C8orf34: variants seen among roughly 807,000 people sequenced by gnomAD.
C8orf34 encodes chromosome 8 open reading frame 34.
Under a neutral mutation model 68.3 loss-of-function variants are expected in C8orf34, and 65 were observed. The ratio of observed to expected loss-of-function variants is 0.95; its 90% CI spans 0.78 to 1.17. C8orf34 has a LOEUF of 1.17. Ranked by LOEUF, C8orf34 falls within the 50% of genes most tolerant of loss-of-function variation. The pLI, the probability that C8orf34 is intolerant of heterozygous loss-of-function variation, is 0.00. For missense variants in C8orf34, 664 were observed against 655.4 expected (o/e 1.01, Z -0.14); for synonymous variants, 244 against 241.2 (o/e 1.01, Z -0.11).
At chr8:68,342,066 G>C (rs1344165057) in intron 1 of C8orf34, among the ~76,000 whole-genome samples, 1 of 152,136 alleles carries the variant, frequency 6.6e-6, no homozygotes, top group Non-Finnish European at 1.5e-5. Context: ...TAATGGAGTA[G>C]ATTTTAGATT....
At chr8:68,578,417 C>G (rs544022068) in intron 7 of C8orf34, among the ~76,000 whole-genome samples, 28 of 152,038 alleles carry the variant, frequency 1.8e-4, no homozygotes, top group Non-Finnish European at 5.9e-5. Flanking sequence ...GCCTAAACTA[C>G]TACAAATGTG....
intron 10 of C8orf34, among the ~76,000 whole-genome samples, chr8:68,775,662 C>T (rs931662546): frequency 1.3e-5 from 2 of 152,252 alleles, no homozygotes; most frequent in East Asian, 1.9e-4. Context: ...TGTTTTAGAT[C>T]GTCACACAAA....
chr8:68,339,944 AAAC>A (rs1806002883), intron 1 of C8orf34, among the ~76,000 whole-genome samples: 1 of 152,110 alleles, frequency 6.6e-6, no homozygotes, highest in Admixed American at 6.6e-5. Context: ...AGAAGAGAAA[AAAC>A]AATTCAATAA....
intron 7 of C8orf34, among the ~76,000 whole-genome samples, chr8:68,600,179 A>G (rs886876931): frequency 2.0e-5 from 3 of 152,110 alleles, no homozygotes; most frequent in African/African-American, 7.2e-5. Context: ...CAATATACAT[A>G]TGTAATTTAT....
At chr8:68,680,209 G>A (rs1039656327) in intron 8 of C8orf34, among the ~76,000 whole-genome samples, 1 of 152,090 alleles carries the variant, frequency 6.6e-6, no homozygotes, top group Admixed American at 6.6e-5. Flanking sequence ...TATATAAGGA[G>A]CTCATATGAC....
Position 68,462,159 on chromosome 8 carries a change from G to C in C8orf34, c.608-6533G>C, listed in dbSNP as rs541475666. 3.5e-3 allele frequency among the ~76,000 whole-genome samples: 536 copies of C among 152,076 alleles called. 4 individuals are homozygous for C. The highest frequency in any genetic ancestry group is 0.012 in the African/African-American group (513 of 41,472). ...TGCAATCCTGGTCTCTGATAAAACAGACTTTAAACCAACAAAGATCAAAAG... is the reference window on the plus strand; with the variant it reads ...TGCAATCCTGGTCTCTGATAAAACACACTTTAAACCAACAAAGATCAAAAG... On this transcript the variant is annotated intron_variant, in intron 3 of 13. Transcript: ENST00000518698.
At chr8:68,335,874 G>GGCAGC (rs1805825988) in intron 1 of C8orf34, among the ~76,000 whole-genome samples, 2 of 152,126 alleles carry the variant, frequency 1.3e-5, no homozygotes, top group Non-Finnish European at 2.9e-5. Flanking sequence ...GAGGTCAGGA[G>GGCAGC]TTTGAGACCA....
At chr8:68,378,895 TAA>T (rs147893348) in intron 1 of C8orf34, among the ~76,000 whole-genome samples, 63 of 152,266 alleles carry the variant, frequency 4.1e-4, no homozygotes, top group African/African-American at 1.4e-3. Context: ...AATCAATATA[TAA>T]AGTCTGACAT....
chr8:68,744,617 T>C (rs868063574), intron 10 of C8orf34, among the ~76,000 whole-genome samples: 4,515 of 151,974 alleles, frequency 0.03, 205 homozygotes, highest in African/African-American at 0.1. Context: ...TGCGATCAAC[T>C]GGAAGAAAGA....
At chr8:68,729,896 A>G (rs970107323) in intron 10 of C8orf34, among the ~76,000 whole-genome samples, 3 of 152,134 alleles carry the variant, frequency 2.0e-5, no homozygotes, top group Non-Finnish European at 4.4e-5. Flanking sequence ...TTTCCAATAA[A>G]ACATGTTCCA....
chr8:68,478,243 T>C (rs1812708491), intron 4 of C8orf34, among the ~76,000 whole-genome samples: 1 of 151,896 alleles, frequency 6.6e-6, no homozygotes, highest in South Asian at 2.1e-4. Flanking sequence ...GATCCACAGA[T>C]CTGCCCTAGA....
At chr8:68,480,560 A>C (rs1812816565) in intron 4 of C8orf34, among the ~76,000 whole-genome samples, 1 of 152,202 alleles carries the variant, frequency 6.6e-6, no homozygotes, top group Non-Finnish European at 1.5e-5. Flanking sequence ...GAAAGTTTGA[A>C]ACTTCCTAGA....
intron 1 of C8orf34, among the ~76,000 whole-genome samples, chr8:68,394,222 A>G (rs568652887): frequency 1.6e-4 from 23 of 146,232 alleles, no homozygotes; most frequent in African/African-American, 3.7e-4. Context: ...ATATCTCCCA[A>G]TGCTATCCCT....
At chr8:68,747,120 C>G (rs986576808) in intron 10 of C8orf34, among the ~76,000 whole-genome samples, 3 of 151,882 alleles carry the variant, frequency 2.0e-5, no homozygotes, top group Non-Finnish European at 4.4e-5. Flanking sequence ...GTAAACAGAA[C>G]CAAAGACAAA....
chr8:68,418,691 T>A (rs1167141368), intron 1 of C8orf34, among the ~76,000 whole-genome samples: 10 of 152,136 alleles, frequency 6.6e-5, no homozygotes, highest in Non-Finnish European at 1.3e-4. Flanking sequence ...TCTACAACTA[T>A]CTGATCTTTG....
At chr8:68,817,747 A>G (rs1824861651) in intron 13 of C8orf34, among the ~76,000 whole-genome samples, 1 of 152,188 alleles carries the variant, frequency 6.6e-6, no homozygotes, top group Non-Finnish European at 1.5e-5. Flanking sequence ...AGTGCCTCAC[A>G]GTTCAGCATG....
chr8:68,565,096 CCTT>C (rs1374594937), intron 7 of C8orf34, among the ~76,000 whole-genome samples: 3 of 152,064 alleles, frequency 2.0e-5, no homozygotes, highest in African/African-American at 7.2e-5. Flanking sequence ...TTTTTTTCCT[CCTT>C]AAGTTCTTTT....
At chr8:68,683,145 C>CGG (rs1563607052) in intron 8 of C8orf34, among the ~76,000 whole-genome samples, 2 of 151,734 alleles carry the variant, frequency 1.3e-5, no homozygotes, top group Non-Finnish European at 2.9e-5. Flanking sequence ...AAATCTGGAC[C>CGG]CCCCAGACTC....
Position 68,818,239 on chromosome 8 carries a change from G to A in C8orf34, c.1610G>A (p.Gly537Asp). ...CSSCPTLVYSGL is the reference protein window; with the variant it reads ...CSSCPTLVYSDL ...CTTCTGTTTCATTTCTCCTCTGCAG[G>A]TTTGTGAAACAGAGAGAAGAAGTTG... is the stretch of plus-strand genomic sequence containing the variant. The change falls in exon 14 of 14, where the codon GGT (glycine) becomes GAT (aspartate). Residue 537 changes from glycine (G) to aspartate (D), a missense_variant and splice_region_variant. By Grantham distance (94) the Gly-to-Asp change is moderately conservative (BLOSUM62 -1). Transcript: ENST00000518698. The A allele has an allele frequency of 6.2e-7, 1 of 1,612,428 alleles. No homozygotes were observed. The highest frequency in any genetic ancestry group is 8.5e-7 in the Non-Finnish European group (1 of 1,179,176).
Sources: allele counts gnomAD v4.1 joint callset (sites outside exome capture counted in the v4.1 genomes callset), GRCh38; gene constraint gnomAD v4.1.1; transcripts MANE v1.5; gene names NCBI Gene and HGNC (gene_info 2026-07-23, HGNC 2026-07-21).